Variants in ARHGEF26 observed in about 807,000 individuals in gnomAD.
ARHGEF26 encodes the protein Rho guanine nucleotide exchange factor (GEF) 26.
Under a neutral mutation model 89.4 loss-of-function variants are expected in ARHGEF26, and 59 were observed. The observed-to-expected ratio is 0.66, with a 90% CI of 0.54 to 0.82. ARHGEF26 has a LOEUF of 0.82. Among genes scored for constraint, ARHGEF26 ranks in the 40% least tolerant of loss-of-function variants. The pLI is 0.00. For synonymous variants in ARHGEF26, 500 were observed against 428.4 expected, an observed-to-expected ratio of 1.17 and a Z score of -2.06; for missense variants, 1,234 against 1,085.6, an observed-to-expected ratio of 1.14 and a Z score of -1.92.
At chr3:154,121,758 G>T (rs1717935820) in intron 1 of ARHGEF26, among the ~76,000 whole-genome samples, 184 bp from the exon 2 acceptor site, 1 of 152,186 alleles carries the variant, frequency 6.6e-6, no homozygotes, top group Non-Finnish European at 1.5e-5. Flanking sequence ...CTGGGCGGCA[G>T]CCCAGATTTC....
intron 11 of ARHGEF26, among the ~76,000 whole-genome samples, chr3:154,239,310 G>C (rs1717345734): frequency 3.1e-5 from 1 of 32,420 alleles, no homozygotes; most frequent in African/African-American, 7.2e-5. Context: ...GTGTGTGTGT[G>C]TGTGTGTGTG....
intron 10 of ARHGEF26, among the ~76,000 whole-genome samples, chr3:154,218,890 G>T (rs1407785373): frequency 1.3e-5 from 2 of 152,204 alleles, no homozygotes; most frequent in Non-Finnish European, 2.9e-5. Flanking sequence ...CACTTGGCTA[G>T]TGGTGATAAA....
chr3:154,195,323 G>A (rs1389221366), intron 9 of ARHGEF26, among the ~76,000 whole-genome samples: 1 of 152,206 alleles, frequency 6.6e-6, no homozygotes, highest in Admixed American at 6.5e-5. Context: ...CTGAGAGACA[G>A]CACTAGGGAA....
In ARHGEF26 at chr3:154,140,779, T is replaced by C. The variant is rs143820350; in HGVS notation, c.1270-8610T>C. Among the ~76,000 whole-genome samples the C allele has an allele frequency of 1.3e-3, 200 of 151,944 alleles. 3 individuals carry two copies. The highest frequency in any genetic ancestry group is 4.5e-3 in the African/African-American group (188 of 41,426). On this transcript the variant is annotated intron_variant, in intron 4 of 14. Transcript: ENST00000465093. ...TATTTTTAATAGAGACAGGGTTTTG[T>C]TATGTTGGTCAGGCTGGTCTCGAAC...
intron 6 of ARHGEF26, among the ~76,000 whole-genome samples, chr3:154,172,411 A>G (rs1001753736): frequency 1.3e-5 from 2 of 152,206 alleles, no homozygotes; most frequent in Admixed American, 6.5e-5. Context: ...AGAGCCTGCC[A>G]TGGCCAGGCA....
At chr3:154,187,499 A>C (rs1713653719) in intron 6 of ARHGEF26, among the ~76,000 whole-genome samples, 186 bp from the exon 7 acceptor site, 1 of 151,896 alleles carries the variant, frequency 6.6e-6, no homozygotes, top group Admixed American at 6.6e-5. Flanking sequence ...CTCATCCTCA[A>C]GGAGGTGTTA....
chr3:154,240,314 CAAT>C, intron 11 of ARHGEF26, 53 bp from the exon 12 acceptor site: 1 of 1,377,560 alleles, frequency 7.3e-7, no homozygotes, highest in Non-Finnish European at 9.9e-7. Context: ...CGAAAACTGA[CAAT>C]GTCAGTCTTA....
intron 8 of ARHGEF26, 113 bp downstream of exon 8, chr3:154,191,531 C>T (rs1335616107): frequency 3.1e-6 from 4 of 1,285,378 alleles, no homozygotes; most frequent in Non-Finnish European, 2.1e-6. Context: ...GTCTAAAAAT[C>T]CCCCAATTAA....
intron 4 of ARHGEF26, among the ~76,000 whole-genome samples, chr3:154,141,030 C>T (rs1221353600): frequency 1.3e-5 from 2 of 151,800 alleles, no homozygotes; most frequent in Non-Finnish European, 2.9e-5. Flanking sequence ...GGCACAATCT[C>T]AGCTCACTGC....
At chr3:154,160,246 TCA>T (rs1042187577) in intron 6 of ARHGEF26, among the ~76,000 whole-genome samples, 4 of 152,176 alleles carry the variant, frequency 2.6e-5, no homozygotes, top group African/African-American at 9.6e-5. Context: ...TCCATGTTGT[TCA>T]GCTCTTATCA....
intron 4 of ARHGEF26, among the ~76,000 whole-genome samples, chr3:154,142,116 A>C (rs1194376675): frequency 6.6e-6 from 1 of 152,232 alleles, no homozygotes; most frequent in African/African-American, 2.4e-5. Flanking sequence ...GAAGATGAGG[A>C]AAGTTTTGTC....
At chr3:154,124,530 A>C in intron 3 of ARHGEF26, 81 bp downstream of exon 3, 2 of 1,225,144 alleles carry the variant, frequency 1.6e-6, no homozygotes, top group Non-Finnish European at 2.3e-6. Flanking sequence ...CTGCAGTAAC[A>C]AAAATGCTTA....
At chr3:154,186,924 T>C (rs186468413) in intron 6 of ARHGEF26, among the ~76,000 whole-genome samples, 29 of 105,980 alleles carry the variant, frequency 2.7e-4, no homozygotes, top group Admixed American at 7.6e-4. Context: ...TGAGACGGAG[T>C]CTCTGTCGCC....
At chr3:154,192,012 G>A (rs552415249) in intron 8 of ARHGEF26, among the ~76,000 whole-genome samples, 52 of 152,304 alleles carry the variant, frequency 3.4e-4, no homozygotes, top group African/African-American at 1.2e-3. Context: ...TGGGAAAAGT[G>A]AGTAGAGTCT....
chr3:154,249,480 A>C (rs1278801248), intron 12 of ARHGEF26, among the ~76,000 whole-genome samples: 2 of 152,228 alleles, frequency 1.3e-5, no homozygotes. Context: ...TAGACATTTA[A>C]GTTAAAAGAG....
intron 12 of ARHGEF26, among the ~76,000 whole-genome samples, chr3:154,242,887 C>T (rs545531047): frequency 6.6e-6 from 1 of 152,200 alleles, no homozygotes; most frequent in African/African-American, 2.4e-5. Flanking sequence ...TCTCTGAGAT[C>T]CCAGAGTTCT....
At position 154,122,161 on chromosome 3, in the gene ARHGEF26, G is replaced by A. The variant is rs761099703; in HGVS notation, c.169G>A (p.Gly57Arg). Reference sequence around the variant, plus strand: ...TACGGATTTCCCGGTGGAGGACGGAGGGACGCTCCTCGCAGCGCAGATTCC... The same window carrying A: ...TACGGATTTCCCGGTGGAGGACGGAAGGACGCTCCTCGCAGCGCAGATTCC... ...LITDFPVEDG[G>R]TLLAAQIPAQ... The change falls in exon 2 of 15, where the codon GGG (glycine) becomes AGG (arginine). Residue 57 changes from glycine (G) to arginine (R), a missense_variant. Coordinates refer to ENST00000465093, the MANE Select transcript of ARHGEF26 (RefSeq NM_015595.4). 1.9e-6 allele frequency: 3 copies of A among 1,599,820 alleles called. No individual in the cohort carries two copies. Among genetic ancestry groups the A allele is most frequent in the Non-Finnish European group, 2.6e-6 (3 of 1,173,240 alleles).
intron 4 of ARHGEF26, among the ~76,000 whole-genome samples, chr3:154,139,353 G>A (rs999512074): frequency 5.3e-5 from 8 of 152,022 alleles, no homozygotes; most frequent in African/African-American, 1.9e-4. Flanking sequence ...TCATATACTC[G>A]GATGACTTCC....
At position 154,256,668 on chromosome 3, in the gene ARHGEF26, A is replaced by C; in HGVS notation, c.*1195A>C. ...GCTGTTCCAACTCGTTTCCAAATAG[A>C]AATTAGCTGGAACACACTACAGTAA... On this transcript the variant is annotated 3_prime_UTR_variant, in exon 15 of 15. Coordinates refer to ENST00000465093, the MANE Select transcript of ARHGEF26 (RefSeq NM_015595.4). 1 of 1,216,550 alleles carries C rather than the reference A, an allele frequency of 8.2e-7. No individual in the cohort carries two copies. The highest frequency in any genetic ancestry group is 1.0e-6 in the Non-Finnish European group (1 of 979,592). The allele number at this position is 1,216,550 out of a possible 1,614,324, so 75.4% of individuals were successfully genotyped here. A position where few individuals can be genotyped will look rare whatever the true frequency, so the allele number is the denominator to read the frequency against.
Sources: allele counts gnomAD v4.1 joint callset (sites outside exome capture counted in the v4.1 genomes callset), GRCh38; gene constraint gnomAD v4.1.1; transcripts MANE v1.5; gene names NCBI Gene and HGNC (gene_info 2026-07-23, HGNC 2026-07-21).